The following COL21A1 variants were observed in gnomAD, a reference collection of about 807,000 sequenced individuals.
The protein encoded by COL21A1 is collagen type XXI alpha 1 chain, also known as collagen alpha-1(XXI) chain.
In COL21A1, 149 loss-of-function variants were observed where a neutral mutation model predicts 137.9. The observed-to-expected ratio is 1.08, with a 90% CI of 0.95 to 1.24. The LOEUF is 1.24. COL21A1 is among the 50% of genes most tolerant of loss of function. The pLI, the probability that COL21A1 is intolerant of heterozygous loss-of-function variation, is 0.00. For synonymous variants in COL21A1, 456 were observed against 391.5 expected (o/e 1.16, Z -1.95); for missense variants, 1,167 against 1,158.4 (o/e 1.01, Z -0.11).
At chr6:56,153,571 C>T (rs75078647) in intron 10 of COL21A1, among the ~76,000 whole-genome samples, 4,618 of 151,836 alleles carry the variant, frequency 0.03, 174 homozygotes, top group African/African-American at 0.084. Flanking sequence ...AAAAAATCTA[C>T]ATTCACTTTC....
At chr6:56,146,452 G>C (rs923355531) in intron 10 of COL21A1, among the ~76,000 whole-genome samples, 1 of 152,054 alleles carries the variant, frequency 6.6e-6, no homozygotes, top group Non-Finnish European at 1.5e-5. Flanking sequence ...AAACTAGTTT[G>C]CTACTTAACC....
chr6:56,205,660 A>G (rs1301677315), intron 1 of COL21A1, among the ~76,000 whole-genome samples: 2 of 152,186 alleles, frequency 1.3e-5, no homozygotes, highest in Non-Finnish European at 2.9e-5. Context: ...CCTTGAGAAG[A>G]GAAACCCCAG....
At chr6:56,309,327 C>G (rs770758267) in intron 1 of COL21A1, among the ~76,000 whole-genome samples, 2 of 152,156 alleles carry the variant, frequency 1.3e-5, no homozygotes, top group Non-Finnish European at 2.9e-5. Context: ...CATGAGCCAC[C>G]GTGCCCGGCC....
At chr6:56,303,938 T>C (rs1764368086) in intron 1 of COL21A1, among the ~76,000 whole-genome samples, 1 of 152,170 alleles carries the variant, frequency 6.6e-6, no homozygotes, top group Non-Finnish European at 1.5e-5. Flanking sequence ...GTTTTTAGCA[T>C]GAAGGGTTGT....
chr6:56,143,095 TCA>T (rs1182405430), intron 10 of COL21A1, among the ~76,000 whole-genome samples: 1 of 152,178 alleles, frequency 6.6e-6, no homozygotes, highest in Non-Finnish European at 1.5e-5. Flanking sequence ...CTCTGAAAGA[TCA>T]GTCTTATTGT....
At chr6:56,316,940 A>G (rs1488099899) in intron 1 of COL21A1, among the ~76,000 whole-genome samples, 1 of 152,192 alleles carries the variant, frequency 6.6e-6, no homozygotes, top group East Asian at 1.9e-4. Context: ...CTTCTGCTTC[A>G]GAAGTGTCAT....
intron 10 of COL21A1, among the ~76,000 whole-genome samples, chr6:56,152,200 A>G (rs1427420155): frequency 6.6e-6 from 1 of 152,094 alleles, no homozygotes; most frequent in Non-Finnish European, 1.5e-5. Flanking sequence ...AGAGGCTGCC[A>G]TTGTTCCTGG....
intron 1 of COL21A1, among the ~76,000 whole-genome samples, chr6:56,208,512 A>G (rs1779946144): frequency 6.6e-6 from 1 of 152,214 alleles, no homozygotes; most frequent in African/African-American, 2.4e-5. Context: ...CCACTGCTCA[A>G]GGAAATAAAA....
chr6:56,313,211 C>A (rs1401500896), intron 1 of COL21A1, among the ~76,000 whole-genome samples: 2 of 151,976 alleles, frequency 1.3e-5, no homozygotes, highest in Non-Finnish European at 2.9e-5. Context: ...CTCATATATA[C>A]ACTGCACAAA....
At chr6:56,229,971 A>G (rs4310058) in intron 1 of COL21A1, among the ~76,000 whole-genome samples, 86,252 of 151,692 alleles carry the variant, frequency 0.57, 24,757 homozygotes, top group East Asian at 0.77. Flanking sequence ...CTTGAAATCA[A>G]CTCAGTGGTC....
intron 1 of COL21A1, among the ~76,000 whole-genome samples, chr6:56,290,087 T>C (rs1764005191): frequency 6.6e-6 from 1 of 152,164 alleles, no homozygotes; most frequent in Non-Finnish European, 1.5e-5. Flanking sequence ...TTGCCAGCTC[T>C]AGGTCCCTTC....
At chr6:56,129,368 G>C (rs1351038907) in intron 12 of COL21A1, among the ~76,000 whole-genome samples, 1 of 152,032 alleles carries the variant, frequency 6.6e-6, no homozygotes, top group Non-Finnish European at 1.5e-5. Flanking sequence ...ATATAACCTT[G>C]ACTTTATAAG....
At chr6:56,263,359 G>A (rs1763325833) in intron 1 of COL21A1, among the ~76,000 whole-genome samples, 1 of 152,128 alleles carries the variant, frequency 6.6e-6, no homozygotes, top group Admixed American at 6.5e-5. Flanking sequence ...CTTAGAGAAA[G>A]GTCTGACCCA....
chr6:56,057,574 G>T lies in COL21A1; in HGVS notation c.*83C>A. Reference sequence around the variant, plus strand: ...CGAGGTACTTAAGTTTCTTTTCAAGGGATTACTGTTGGTTATCTTCCTGAG... The same window carrying T: ...CGAGGTACTTAAGTTTCTTTTCAAGTGATTACTGTTGGTTATCTTCCTGAG... On this transcript the variant is annotated 3_prime_UTR_variant, in exon 30 of 30. Transcript: ENST00000244728. The T allele has an allele frequency of 7.7e-7, 1 of 1,306,814 alleles. No homozygotes were observed. Among genetic ancestry groups the T allele is most frequent in the East Asian group, 2.4e-5 (1 of 41,730 alleles). 81.0% of individuals were successfully genotyped at this position (1,306,814 alleles called of 1,614,324 possible).
chr6:56,078,200 T>C, intron 17 of COL21A1: 1 of 455,728 alleles, frequency 2.2e-6, no homozygotes, highest in Non-Finnish European at 4.4e-6. Flanking sequence ...TGTAGCAACA[T>C]TCAGAAAAAA....
intron 10 of COL21A1, among the ~76,000 whole-genome samples, chr6:56,153,338 C>T (rs1395957076): frequency 1.3e-5 from 2 of 152,108 alleles, no homozygotes; most frequent in Non-Finnish European, 2.9e-5. Context: ...CCAGGCCAAG[C>T]TCTACTTTTC....
chr6:56,233,636 T>A (rs1702371130), intron 1 of COL21A1, among the ~76,000 whole-genome samples: 6 of 151,300 alleles, frequency 4.0e-5, no homozygotes, highest in Non-Finnish European at 8.9e-5. Flanking sequence ...AAGAGACATA[T>A]GGAGAAATAT....
intron 1 of COL21A1, among the ~76,000 whole-genome samples, chr6:56,302,276 T>G (rs1376755425): frequency 6.6e-6 from 1 of 152,126 alleles, no homozygotes; most frequent in Admixed American, 6.5e-5. Context: ...ATGGTATTTC[T>G]AGTTCTAGAT....
chr6:56,352,977 G>C (rs1765746007), intron 1 of COL21A1, among the ~76,000 whole-genome samples: 1 of 152,134 alleles, frequency 6.6e-6, no homozygotes, highest in Non-Finnish European at 1.5e-5. Context: ...GGAAGTGGAG[G>C]TTGCAGTGAG....
Sources: gnomAD v4.1 joint callset for allele counts (sites outside exome capture counted in the v4.1 genomes callset) on GRCh38, gnomAD v4.1.1 for gene constraint, MANE v1.5 for transcripts, NCBI Gene and HGNC (gene_info 2026-07-23, HGNC 2026-07-21) for gene names.